Variants in ASAP1 observed in about 807,000 individuals in gnomAD.
ASAP1 encodes the protein arf-GAP with SH3 domain, ANK repeat and PH domain-containing protein 1.
ASAP1 carries 43 observed loss-of-function variants against 145.2 expected under a neutral mutation model. That is an observed-to-expected ratio of 0.30 (90% CI 0.23 to 0.38). The LOEUF (loss-of-function observed/expected upper bound fraction) is 0.38. Ranked by LOEUF, ASAP1 falls within the 10% of genes least tolerant of loss-of-function variation. The probability of loss-of-function intolerance (pLI) is 1.00; values close to 1 mark genes in which losing one functional copy is unlikely to be tolerated. For synonymous variants in ASAP1, 546 were observed against 515.5 expected (o/e 1.06, Z -0.80); for missense variants, 1,018 against 1,355.3 (o/e 0.75, Z 3.91).
At chr8:130,431,641 C>A (rs373604257) in intron 1 of ASAP1, among the ~76,000 whole-genome samples, 2 of 152,130 alleles carry the variant, frequency 1.3e-5, no homozygotes, top group East Asian at 3.9e-4. Flanking sequence ...GGCACCTCTT[C>A]CTAAGTGCCC....
At chr8:130,339,671 T>A (rs139761337) in intron 3 of ASAP1, among the ~76,000 whole-genome samples, 1 of 152,288 alleles carries the variant, frequency 6.6e-6, no homozygotes, top group African/African-American at 2.4e-5. Context: ...AATCAGGAAG[T>A]GTTTTAACCA....
At chr8:130,402,431 C>T (rs114417241) in intron 1 of ASAP1, among the ~76,000 whole-genome samples, 208 of 152,272 alleles carry the variant, frequency 1.4e-3, no homozygotes, top group African/African-American at 4.8e-3. Context: ...TTCAGGACAG[C>T]CCCTCTGAAC....
intron 1 of ASAP1, among the ~76,000 whole-genome samples, chr8:130,414,026 C>A (rs928122830): frequency 6.6e-6 from 1 of 152,116 alleles, no homozygotes; most frequent in African/African-American, 2.4e-5. Context: ...CCTGCAAGAA[C>A]AGAAGTTGCT....
At chr8:130,109,918 C>CTCTTGGT (rs1331411819) in intron 24 of ASAP1, among the ~76,000 whole-genome samples, 1 of 152,180 alleles carries the variant, frequency 6.6e-6, no homozygotes, top group East Asian at 1.9e-4. Context: ...ATGAAGAACA[C>CTCTTGGT]TCTTGGTTTT....
chr8:130,188,199 G>GAAGAT lies in ASAP1; in HGVS notation c.406-21_406-17dup. ...AACCCTGGAGCTGAAAAAGCAAAGG[G>GAAGAT]AAGATGGGAGATGGTTAAAAAATAA... On this transcript the variant is annotated splice_polypyrimidine_tract_variant and intron_variant, in intron 5 of 29. Transcript: ENST00000518721. The GAAGAT allele has an allele frequency of 6.3e-7, 1 of 1,596,612 alleles. No homozygotes were observed. The highest frequency in any genetic ancestry group is 8.6e-7 in the Non-Finnish European group (1 of 1,164,842).
rs1004555007 is a variant in ASAP1, at chr8:130,153,064, T to C, written c.1011-259A>G. On this transcript the variant is annotated intron_variant, in intron 12 of 29. Coordinates refer to ENST00000518721, the MANE Select transcript of ASAP1 (RefSeq NM_018482.4). Reference sequence around the variant, plus strand: ...TGGAGTCTTGCTCTGTTGCCCAAGATAGAGTGGTGCAGTGGCATGATCTCG... The same window carrying C: ...TGGAGTCTTGCTCTGTTGCCCAAGACAGAGTGGTGCAGTGGCATGATCTCG... 1.1e-4 allele frequency among the ~76,000 whole-genome samples: 17 copies of C among 151,774 alleles called. No homozygotes were observed. The South Asian group carries it at 2.1e-3, about 19-fold the overall frequency.
chr8:130,110,194 G>C (rs982382641), intron 24 of ASAP1, among the ~76,000 whole-genome samples: 4 of 152,212 alleles, frequency 2.6e-5, no homozygotes, highest in African/African-American at 9.6e-5. Context: ...TAAAATTACA[G>C]AAGGGGGTGG....
chr8:130,295,520 A>G (rs1422506065), intron 3 of ASAP1, among the ~76,000 whole-genome samples: 1 of 152,206 alleles, frequency 6.6e-6, no homozygotes, highest in Admixed American at 6.5e-5. Context: ...CGGGATAATA[A>G]TACCTAGTTA....
chr8:130,270,485 T>C (rs966854882), intron 3 of ASAP1, among the ~76,000 whole-genome samples: 7 of 152,230 alleles, frequency 4.6e-5, no homozygotes, highest in Non-Finnish European at 8.8e-5. Flanking sequence ...AAAAGGTTAA[T>C]TGGATAACCA....
chr8:130,295,291 G>C (rs1426012979), intron 3 of ASAP1, among the ~76,000 whole-genome samples: 1 of 151,780 alleles, frequency 6.6e-6, no homozygotes, highest in Non-Finnish European at 1.5e-5. Context: ...ACAAAGAAAA[G>C]TCCTAAATTC....
chr8:130,115,257 C>T (rs1162331688), intron 23 of ASAP1, among the ~76,000 whole-genome samples: 5 of 152,206 alleles, frequency 3.3e-5, no homozygotes, highest in African/African-American at 4.8e-5. Context: ...AGACTGAGGT[C>T]CCCCAAAGGG....
chr8:130,282,053 T>C (rs1586747606), intron 3 of ASAP1, among the ~76,000 whole-genome samples: 1 of 143,138 alleles, frequency 7.0e-6, no homozygotes, highest in Non-Finnish European at 1.5e-5. Context: ...CAGGCGACAG[T>C]GCAAGACTCT....
At chr8:130,213,478 T>C (rs556539174) in intron 5 of ASAP1, among the ~76,000 whole-genome samples, 13 of 152,314 alleles carry the variant, frequency 8.5e-5, no homozygotes, top group African/African-American at 3.1e-4. Flanking sequence ...ATCTAATGGA[T>C]TATGACAAAT....
rs779463150 is a variant in ASAP1 at position 130,342,714 on chromosome 8, A to T, written c.186+15303T>A. 1.2e-4 allele frequency among the ~76,000 whole-genome samples: 19 copies of T among 152,174 alleles called. 1 individual carries two copies. The highest frequency in any genetic ancestry group is 4.8e-5 in the African/African-American group (2 of 41,498). On this transcript the variant is annotated intron_variant, in intron 3 of 29. Transcript: ENST00000518721. Reference sequence around the variant, plus strand: ...AAGGACAGCTCAAGGACAAAATGTGAAATATAACTTGACTTTTAAAAAAGA... The same window carrying T: ...AAGGACAGCTCAAGGACAAAATGTGTAATATAACTTGACTTTTAAAAAAGA...
rs189552754 is a variant in ASAP1 at position 130,397,198 on chromosome 8, T to A, written c.59+4687A>T. ...TTCTGTTGCCCAGACTGGAGTGCAA[T>A]GGCACGATCTCAGCTCACTGCAACC... On this transcript the variant is annotated intron_variant, in intron 2 of 29. Transcript: ENST00000518721. 1.5e-3 allele frequency among the ~76,000 whole-genome samples: 226 copies of A among 152,282 alleles called. 1 individual carries two copies. The highest frequency in any genetic ancestry group is 0.01 in the Middle Eastern group (3 of 294).
intron 23 of ASAP1, among the ~76,000 whole-genome samples, chr8:130,113,480 T>C (rs1275486648): frequency 6.6e-6 from 1 of 152,238 alleles, no homozygotes; most frequent in Non-Finnish European, 1.5e-5. Context: ...ACTCTTATAA[T>C]GATTATCACA....
intron 13 of ASAP1, among the ~76,000 whole-genome samples, chr8:130,141,007 A>C (rs555251185): frequency 6.6e-6 from 1 of 152,364 alleles, no homozygotes; most frequent in African/African-American, 2.4e-5. Flanking sequence ...CTTGACATTT[A>C]GTACTAATTT....
At chr8:130,413,299 C>A (rs1306130356) in intron 1 of ASAP1, among the ~76,000 whole-genome samples, 1 of 152,230 alleles carries the variant, frequency 6.6e-6, no homozygotes, top group African/African-American at 2.4e-5. Flanking sequence ...ACCAGCCTCG[C>A]TCGAGCTCAT....
intron 27 of ASAP1, among the ~76,000 whole-genome samples, chr8:130,072,817 G>GTA (rs2097450424): frequency 1.5e-5 from 1 of 67,850 alleles, no homozygotes. Flanking sequence ...GTGTGTGTGT[G>GTA]TGTGTGTGCG....
Sources: allele counts gnomAD v4.1 joint callset (sites outside exome capture counted in the v4.1 genomes callset), GRCh38; gene constraint gnomAD v4.1.1; transcripts MANE v1.5; gene names NCBI Gene and HGNC (gene_info 2026-07-23, HGNC 2026-07-21).